SNX18: variants seen among roughly 807,000 people sequenced by gnomAD.
The protein encoded by SNX18 is sorting nexin-18.
A neutral mutation model predicts 48.7 loss-of-function variants in SNX18; 35 were observed. The ratio of observed to expected loss-of-function variants is 0.72; its 90% confidence interval spans 0.55 to 0.95. SNX18 has a LOEUF of 0.95. SNX18 is among the 40% of genes least tolerant of loss of function. The pLI, the probability that SNX18 is intolerant of heterozygous loss-of-function variation, is 0.00. For missense variants in SNX18, 824 were observed against 871.0 expected (o/e 0.95, Z 0.68); for synonymous variants, 492 against 384.7 (o/e 1.28, Z -3.26).
chr5:54,519,161 G>A lies in SNX18; in HGVS notation c.1209G>A (p.Val403=). ...GGAAGGCCGAGAAGGACGAGATGGT[G>A]GGCGCCAACTTCTTCCTGACCCTTA... ...GKRKAEKDEM[V]GANFFLTLST... is the part of the protein sequence containing the mutation. Residue 403 remains valine, a synonymous_variant, in exon 1 of 2, where the codon GTG becomes GTA. Transcript: ENST00000381410. 12 of 1,613,874 alleles carry A rather than the reference G, an allele frequency of 7.4e-6. No individual in the cohort carries two copies. Among genetic ancestry groups the A allele is most frequent in the Non-Finnish European group, 1.0e-5 (12 of 1,179,826 alleles).
chr5:54,573,250 T>A, the SNX18 span, among the ~76,000 whole-genome samples: 1 of 152,222 alleles, frequency 6.6e-6, no homozygotes, highest in Non-Finnish European at 1.5e-5. Flanking sequence ...GCGTTCCTCC[T>A]TACTTTCAGG....
chr5:54,541,108 A>G (rs1342957617), intron 1 of SNX18, among the ~76,000 whole-genome samples: 1 of 151,578 alleles, frequency 6.6e-6, no homozygotes, highest in Non-Finnish European at 1.5e-5. Context: ...GCGCAATGCA[A>G]CCTCTGCCTT....
chr5:54,531,763 G>C (rs980930048), intron 1 of SNX18, among the ~76,000 whole-genome samples: 1 of 152,184 alleles, frequency 6.6e-6, no homozygotes, highest in African/African-American at 2.4e-5. Context: ...ATTTAAAACA[G>C]CTGAGTTAGG....
rs70986692 is a variant in SNX18, at chr5:54,530,744, A to ATTTTTTTTTTTTTTTTTTTTTTT, written c.1621+11175_1621+11197dup. Among the ~76,000 whole-genome samples the ATTTTTTTTTTTTTTTTTTTTTTT allele has an allele frequency of 6.9e-5, 5 of 72,510 alleles. 1 individual carries two copies. Among genetic ancestry groups the ATTTTTTTTTTTTTTTTTTTTTTT allele is most frequent in the East Asian group, 5.2e-4 (1 of 1,928 alleles). The allele number at this position is 72,510 out of a possible 152,430, so 47.6% of individuals were successfully genotyped here. On this transcript the variant is annotated intron_variant, in intron 1 of 1. Transcript: ENST00000381410. The stretch of plus-strand genomic sequence containing the variant: ...TGCAGACAGGAGCTGAACCACAGAA[A>ATTTTTTTTTTTTTTTTTTTTTTT]TTTTTTTTTTTTTTTTTTTTTTTTT...
the SNX18 span, among the ~76,000 whole-genome samples, chr5:54,609,169 C>T: frequency 6.6e-6 from 1 of 152,218 alleles, no homozygotes; most frequent in Non-Finnish European, 1.5e-5. Context: ...ATGGTAGCCA[C>T]TAGACATATG....
chr5:54,539,682 C>T (rs1429525514), intron 1 of SNX18, among the ~76,000 whole-genome samples: 1 of 152,092 alleles, frequency 6.6e-6, no homozygotes, highest in Non-Finnish European at 1.5e-5. Context: ...TCAGTGTGCT[C>T]TATACATGCC....
the SNX18 span, among the ~76,000 whole-genome samples, chr5:54,572,750 G>GTATATA: frequency 2.4e-5 from 1 of 41,468 alleles, no homozygotes; most frequent in Non-Finnish European, 5.1e-5. Flanking sequence ...GTGTGTGTGT[G>GTATATA]TGTGTATATA....
At chr5:54,540,297 C>A (rs1311434398) in intron 1 of SNX18, among the ~76,000 whole-genome samples, 1 of 151,830 alleles carries the variant, frequency 6.6e-6, no homozygotes, top group African/African-American at 2.4e-5. Flanking sequence ...CTCATTGCAG[C>A]CTCAACCTCC....
chr5:54,526,535 T>C (rs1182015737), intron 1 of SNX18, among the ~76,000 whole-genome samples: 2 of 152,190 alleles, frequency 1.3e-5, no homozygotes, highest in Non-Finnish European at 2.9e-5. Flanking sequence ...GCTAAATAAA[T>C]TGTTATTTAG....
the SNX18 span, among the ~76,000 whole-genome samples, chr5:54,560,882 A>G: frequency 6.6e-6 from 1 of 152,202 alleles, no homozygotes; most frequent in Admixed American, 6.5e-5. Flanking sequence ...AAGGAGAGAG[A>G]GTGGCACCCA....
the SNX18 span, among the ~76,000 whole-genome samples, chr5:54,612,239 TC>T: frequency 6.8e-6 from 1 of 147,616 alleles, no homozygotes; most frequent in East Asian, 2.0e-4. Context: ...CCAATTTTCC[TC>T]TTAGAGGGTG....
the SNX18 span, among the ~76,000 whole-genome samples, chr5:54,606,925 AC>A: frequency 4.0e-3 from 604 of 152,224 alleles, 5 homozygotes; most frequent in Non-Finnish European, 5.2e-3. Flanking sequence ...TTCCAACATC[AC>A]AAGGATCCCT....
At chr5:54,580,615 A>G in the SNX18 span, among the ~76,000 whole-genome samples, 3 of 152,202 alleles carry the variant, frequency 2.0e-5, no homozygotes, top group South Asian at 2.1e-4. Flanking sequence ...ACTCCTTGCA[A>G]GTGTGTAAAA....
the SNX18 span, among the ~76,000 whole-genome samples, chr5:54,623,124 C>A: frequency 2.0e-5 from 3 of 152,120 alleles, no homozygotes; most frequent in Non-Finnish European, 4.4e-5. Flanking sequence ...TAGTGATAAT[C>A]TGCTTACGTG....
chr5:54,630,073 C>T, the SNX18 span, among the ~76,000 whole-genome samples: 3 of 152,280 alleles, frequency 2.0e-5, no homozygotes, highest in East Asian at 3.9e-4. Flanking sequence ...AGGTTCCTCT[C>T]GACTTACCCA....
At chr5:54,579,629 G>A in the SNX18 span, among the ~76,000 whole-genome samples, 1 of 152,202 alleles carries the variant, frequency 6.6e-6, no homozygotes, top group East Asian at 1.9e-4. Flanking sequence ...GGATGTGAGA[G>A]TCTAGTAAAC....
the SNX18 span, among the ~76,000 whole-genome samples, chr5:54,642,084 T>C: frequency 6.6e-6 from 1 of 152,188 alleles, no homozygotes; most frequent in Non-Finnish European, 1.5e-5. Flanking sequence ...GAAGTATATG[T>C]ATTCGTTGAT....
chr5:54,525,401 C>T (rs72765722), intron 1 of SNX18, among the ~76,000 whole-genome samples: 8,221 of 151,774 alleles, frequency 0.054, 312 homozygotes, highest in Middle Eastern at 0.099. Context: ...AAATTAAGGG[C>T]GCTCTCCTTT....
downstream of SNX18, among the ~76,000 whole-genome samples, chr5:54,549,692 T>C (rs1211854381): frequency 6.6e-6 from 1 of 152,242 alleles, no homozygotes; most frequent in Admixed American, 6.5e-5. Context: ...AGTGGTTTTA[T>C]TGAATTCTTT....
Sources: allele counts gnomAD v4.1 joint callset (sites outside exome capture counted in the v4.1 genomes callset), GRCh38; gene constraint gnomAD v4.1.1; transcripts MANE v1.5; gene names NCBI Gene and HGNC (gene_info 2026-07-23, HGNC 2026-07-21).